The following FAT3 variants were observed in gnomAD, a reference collection of about 807,000 sequenced individuals.
FAT3 encodes protocadherin Fat 3.
Under a neutral mutation model 310.2 loss-of-function variants are expected in FAT3, and 95 were observed. The ratio of observed to expected loss-of-function variants is 0.31; its 90% confidence interval spans 0.26 to 0.36. The LOEUF (loss-of-function observed/expected upper bound fraction) is 0.36. FAT3 is among the 10% of genes least tolerant of loss of function. The pLI is 1.00. For synonymous variants in FAT3, 2,314 were observed against 2,192.9 expected (o/e 1.06, Z -1.54); for missense variants, 5,408 against 5,715.6 (o/e 0.95, Z 1.74).
chr11:92,834,965 G>A lies in FAT3; in HGVS notation c.9967G>A (p.Ala3323Thr), dbSNP rs572769099. Reference sequence around the variant, plus strand: ...AGATGGGGGCACCCCAGCTCTCAGCGCTGTGGCCACTGTCAACATCAACCT... The same window carrying A: ...AGATGGGGGCACCCCAGCTCTCAGCACTGTGGCCACTGTCAACATCAACCT... ...AKDGGTPALS[A>T]VATVNINLTD... Residue 3323 changes from alanine to threonine, a missense_variant, in exon 15 of 28, where the codon GCT becomes ACT. Physicochemically the swap from Ala to Thr is moderately conservative, Grantham distance 58 (BLOSUM62 0). This residue lies in a region of FAT3 where 4,588 missense variants were observed against 4,809.8 expected (regional missense o/e 0.95). Coordinates refer to ENST00000525166, the MANE Select transcript of FAT3 (RefSeq NM_001367949.2). 4.0e-5 allele frequency: 64 copies of A among 1,613,318 alleles called. 1 individual carries two copies. The South Asian group carries it at 4.4e-4, about 11-fold the overall frequency.
At chr11:92,728,821 C>A (rs747893598) in intron 4 of FAT3, among the ~76,000 whole-genome samples, 2 of 152,108 alleles carry the variant, frequency 1.3e-5, no homozygotes, top group Non-Finnish European at 2.9e-5. Flanking sequence ...CTTCCTCTTC[C>A]GAGTGTAACC....
Position 92,354,754 on chromosome 11 carries a change from G to T in FAT3, c.2642G>T (p.Ser881Ile). 1 of 1,613,926 alleles carries T rather than the reference G, an allele frequency of 6.2e-7. No individual in the cohort carries two copies. Among genetic ancestry groups the T allele is most frequent in the Non-Finnish European group, 8.5e-7 (1 of 1,179,874 alleles). Reference sequence around the variant, plus strand: ...GATACACAGCAGTTTGCCATCAATAGCTCAACTGGAATCGTTTATGTAGCC... The same window carrying T: ...GATACACAGCAGTTTGCCATCAATATCTCAACTGGAATCGTTTATGTAGCC... ...LTDTQQFAINSSTGIVYVADQ... is the reference protein window; with the variant it reads ...LTDTQQFAINISTGIVYVADQ... Residue 881 changes from serine (S) to isoleucine (I), a missense_variant, in exon 2 of 28, where the codon AGC becomes ATC. Transcript: ENST00000525166.
chr11:92,273,387 T>C (rs1433124316), intron 1 of FAT3, among the ~76,000 whole-genome samples: 1 of 152,090 alleles, frequency 6.6e-6, no homozygotes, highest in Non-Finnish European at 1.5e-5. Context: ...TTCTGTAACA[T>C]TCTGAGCCTG....
Position 92,890,568 on chromosome 11 carries a change from C to G in FAT3, c.13225C>G (p.Gln4409Glu), listed in dbSNP as rs2136443152. Residue 4409 changes from glutamine to glutamate, a missense_variant, in exon 28 of 28, where the codon CAG becomes GAG. By Grantham distance (29) the Gln-to-Glu change is conservative. Coordinates refer to ENST00000525166, the MANE Select transcript of FAT3 (RefSeq NM_001367949.2). ...DIEEVPNYEN[Q>E]DGGSAHQGST... ...AGAGGAAGTGCCCAACTATGAGAACCAGGATGGAGGGTCTGCACACCAGGG... is the reference window on the plus strand; with the variant it reads ...AGAGGAAGTGCCCAACTATGAGAACGAGGATGGAGGGTCTGCACACCAGGG... The G allele has an allele frequency of 6.2e-7, 1 of 1,613,200 alleles. No individual in the cohort carries two copies. Among genetic ancestry groups the G allele is most frequent in the Non-Finnish European group, 8.5e-7 (1 of 1,179,698 alleles).
chr11:92,667,328 G>A (rs185531782), intron 3 of FAT3, among the ~76,000 whole-genome samples: 49 of 152,210 alleles, frequency 3.2e-4, no homozygotes, highest in African/African-American at 1.2e-3. Flanking sequence ...CAAGTGGGAT[G>A]AGGTAGGTGC....
chr11:92,688,315 C>T (rs975608948), intron 3 of FAT3, among the ~76,000 whole-genome samples: 13 of 152,102 alleles, frequency 8.5e-5, no homozygotes, highest in Admixed American at 7.9e-4. Flanking sequence ...TGATGACATA[C>T]GGGAGGCTGT....
chr11:92,285,243 T>A (rs892178691), intron 1 of FAT3, among the ~76,000 whole-genome samples: 5 of 151,820 alleles, frequency 3.3e-5, no homozygotes, highest in Non-Finnish European at 1.5e-5. Context: ...GCTTATGTGT[T>A]GCATGTGCAC....
chr11:92,514,512 G>A (rs1953411375), intron 2 of FAT3, among the ~76,000 whole-genome samples: 1 of 152,074 alleles, frequency 6.6e-6, no homozygotes, highest in South Asian at 2.1e-4. Flanking sequence ...TTGCTGTCTG[G>A]GATATTCACT....
At position 92,834,230 on chromosome 11, in the gene FAT3, A is replaced by G. The variant is rs560809191; in HGVS notation, c.9872-640A>G. On this transcript the variant is annotated intron_variant, in intron 14 of 27. Coordinates refer to ENST00000525166, the MANE Select transcript of FAT3 (RefSeq NM_001367949.2). ...ATTTAAGCAATTCTGTGACATGGAC[A>G]TTATCATCTCTCTTCTGTAGTTGTG... Among the ~76,000 whole-genome samples the G allele has an allele frequency of 1.1e-4, 16 of 152,312 alleles. No homozygotes were observed. In the East Asian group the frequency reaches 2.7e-3, roughly 26 times the overall value.
rs71064722 is a variant in FAT3 at position 92,754,627 on chromosome 11, C to CAAAAAAAAAAAAAAAA, written c.3670-7226_3670-7211dup. On this transcript the variant is annotated intron_variant, in intron 4 of 27. Transcript: ENST00000525166. ...TGGGCGACAGAGGAAGACTCTGCCT[C>CAAAAAAAAAAAAAAAA]AAAAAAAAAAAAAAAAAAGGAGATA... 6.4e-4 allele frequency among the ~76,000 whole-genome samples: 21 copies of CAAAAAAAAAAAAAAAA among 32,708 alleles called. 2 individuals are homozygous for CAAAAAAAAAAAAAAAA. The highest frequency in any genetic ancestry group is 9.2e-4 in the African/African-American group (4 of 4,338). 21.5% of individuals were successfully genotyped at this position (32,708 alleles called of 152,430 possible). A position where few individuals can be genotyped will look rare whatever the true frequency, so the allele number is the denominator to read the frequency against.
chr11:92,573,925 A>T (rs521433), intron 3 of FAT3, among the ~76,000 whole-genome samples: 112,805 of 152,074 alleles, frequency 0.74, 44,107 homozygotes, highest in Non-Finnish European at 0.88. Flanking sequence ...TGGTCAATTT[A>T]AAAAAATGAA....
intron 4 of FAT3, among the ~76,000 whole-genome samples, chr11:92,717,584 G>A (rs1944727812): frequency 6.6e-6 from 1 of 152,206 alleles, no homozygotes; most frequent in South Asian, 2.1e-4. Flanking sequence ...AAATGTGAAT[G>A]TGTTGTGAGA....
chr11:92,821,739 A>G (rs1488980620), intron 13 of FAT3, among the ~76,000 whole-genome samples: 1 of 152,182 alleles, frequency 6.6e-6, no homozygotes, highest in Non-Finnish European at 1.5e-5. Flanking sequence ...TTAAGGTTCA[A>G]AAACGTTAAG....
chr11:92,833,618 A>C (rs916711012), intron 14 of FAT3, among the ~76,000 whole-genome samples: 2 of 152,210 alleles, frequency 1.3e-5, no homozygotes, highest in Non-Finnish European at 2.9e-5. Flanking sequence ...CAAAAATGTA[A>C]GAAATACAGT....
chr11:92,391,217 C>T (rs778729893), intron 2 of FAT3, among the ~76,000 whole-genome samples: 4 of 152,124 alleles, frequency 2.6e-5, no homozygotes, highest in Admixed American at 6.5e-5. Context: ...GTTCCCTCCC[C>T]GATGTTTGAT....
chr11:92,229,489 C>CTT lies in FAT3; in HGVS notation c.-18+4315_-18+4316insTT, dbSNP rs1565339181. On this transcript the variant is annotated intron_variant, in intron 1 of 27. Coordinates refer to ENST00000525166, the MANE Select transcript of FAT3 (RefSeq NM_001367949.2). The stretch of plus-strand genomic sequence containing the variant: ...TCCTTGTTTTCTTTTTTTGTTTTTT[C>CTT]GTGTTTTTTTTTTTTTTGTTTTTTG... 4.1e-5 allele frequency among the ~76,000 whole-genome samples: 2 copies of CTT among 48,628 alleles called. 1 individual carries two copies. The highest frequency in any genetic ancestry group is 8.7e-5 in the Non-Finnish European group (2 of 23,034). 31.9% of individuals were successfully genotyped at this position (48,628 alleles called of 152,430 possible). A position where few individuals can be genotyped will look rare whatever the true frequency, so the allele number is the denominator to read the frequency against.
At chr11:92,720,651 C>T (rs1024098912) in intron 4 of FAT3, among the ~76,000 whole-genome samples, 100 of 152,320 alleles carry the variant, frequency 6.6e-4, no homozygotes, top group African/African-American at 2.4e-3. Flanking sequence ...GTACCCTCAA[C>T]TGTTTTCATT....
At chr11:92,880,963 A>G (rs991231629) in intron 23 of FAT3, 79 bp downstream of exon 23, 1 of 1,486,160 alleles carries the variant, frequency 6.7e-7, no homozygotes, top group African/African-American at 1.4e-5. Flanking sequence ...TAATGAGGGT[A>G]AAATATTTAC....
At chr11:92,347,869 CAGT>C (rs1948457809) in intron 1 of FAT3, among the ~76,000 whole-genome samples, 1 of 152,070 alleles carries the variant, frequency 6.6e-6, no homozygotes, top group Non-Finnish European at 1.5e-5. Flanking sequence ...AATCTAGAAG[CAGT>C]AGAATAAATC....
Sources: gnomAD v4.1 joint callset for allele counts (sites outside exome capture counted in the v4.1 genomes callset) on GRCh38, gnomAD v4.1.1 for gene constraint, gnomAD v4.1.1 regional missense constraint, MANE v1.5 for transcripts, NCBI Gene and HGNC (gene_info 2026-07-23, HGNC 2026-07-21) for gene names.